MIGA1: variants seen among roughly 807,000 people sequenced by gnomAD.
The protein encoded by MIGA1 is mitoguardin 1.
MIGA1 carries 58 observed loss-of-function variants against 82.0 expected under a neutral mutation model. That is an observed-to-expected ratio of 0.71 (90% CI 0.57 to 0.88). MIGA1 has a LOEUF of 0.88. Among genes scored for constraint, MIGA1 ranks in the 40% least tolerant of loss-of-function variants. The pLI, the probability that MIGA1 is intolerant of heterozygous loss-of-function variation, is 0.00. For synonymous variants in MIGA1, 249 were observed against 253.6 expected (o/e 0.98, Z 0.17); for missense variants, 751 against 749.1 (o/e 1.00, Z -0.03).
intron 8 of MIGA1, among the ~76,000 whole-genome samples, chr1:77,850,485 T>C (rs535428038): frequency 4.1e-4 from 62 of 152,258 alleles, no homozygotes; most frequent in African/African-American, 1.4e-3. Flanking sequence ...TAATTTTAGG[T>C]GATTGATTTG....
chr1:77,878,385 ACT>A lies in MIGA1; in HGVS notation c.*3324_*3325del. The A allele has an allele frequency of 2.4e-5, 2 of 83,532 alleles. No homozygotes were observed. Among genetic ancestry groups the A allele is most frequent in the South Asian group, 9.2e-4 (2 of 2,176 alleles). 5.2% of individuals were successfully genotyped at this position (83,532 alleles called of 1,614,324 possible). ...CTCCAGCCTGGGCAACAAGAGTAAA[ACT>A]CTGTCTCAAAAAAAAAAAAAAAAAA... On this transcript the variant is annotated 3_prime_UTR_variant, in exon 16 of 16. Coordinates refer to ENST00000370791, the MANE Select transcript of MIGA1 (RefSeq NM_198549.4).
rs1042679328 is a variant in MIGA1 at position 77,796,616 on chromosome 1, C to T, written c.196-4715C>T. ...GTACTCCTTTGAGAAACAAATTTAC[C>T]AACAGGTTACAGTATTTATGTCTAA... On this transcript the variant is annotated intron_variant, in intron 2 of 15. Coordinates refer to ENST00000370791, the MANE Select transcript of MIGA1 (RefSeq NM_198549.4). Among the ~76,000 whole-genome samples the T allele has an allele frequency of 2.0e-5, 3 of 152,126 alleles. No homozygotes were observed. In the East Asian group the frequency reaches 5.8e-4, roughly 29 times the overall value.
In MIGA1 at chr1:77,878,086, G is replaced by A. The variant is rs1646907552; in HGVS notation, c.*3022G>A. 6.6e-6 allele frequency: 1 copy of A among 152,134 alleles called. No individual in the cohort carries two copies. The highest frequency in any genetic ancestry group is 6.5e-5 in the Admixed American group (1 of 15,274). The allele number at this position is 152,134 out of a possible 1,614,324, so 9.4% of individuals were successfully genotyped here. A position where few individuals can be genotyped will look rare whatever the true frequency, so the allele number is the denominator to read the frequency against. ...AAAAGAACATTTCTGACTGCATGCAGAAGGGTACTTAAGACATATATAACA... is the reference window on the plus strand; with the variant it reads ...AAAAGAACATTTCTGACTGCATGCAAAAGGGTACTTAAGACATATATAACA... On this transcript the variant is annotated 3_prime_UTR_variant, in exon 16 of 16. Transcript: ENST00000370791.
chr1:77,849,086 T>G (rs1215397225), intron 8 of MIGA1, among the ~76,000 whole-genome samples: 3 of 152,188 alleles, frequency 2.0e-5, no homozygotes, highest in Non-Finnish European at 2.9e-5. Flanking sequence ...TGAGGAAAAT[T>G]GGCTCCACTA....
At chr1:77,871,644 G>A (rs1294000952) in intron 14 of MIGA1, among the ~76,000 whole-genome samples, 2 of 152,134 alleles carry the variant, frequency 1.3e-5, no homozygotes, top group Admixed American at 6.5e-5. Context: ...CCCACAGTGT[G>A]TTATTTAACA....
Position 77,806,981 on chromosome 1 carries a change from A to G in MIGA1, c.517A>G (p.Ser173Gly). 6.2e-7 allele frequency: 1 copy of G among 1,610,282 alleles called. No homozygotes were observed. Among genetic ancestry groups the G allele is most frequent in the South Asian group, 1.1e-5 (1 of 90,450 alleles). Reference sequence around the variant, plus strand: ...CTATCCATCTTAATTTTAGGTCCAGAGTGTCAATTCTTGTCATAGCTGCGC... The same window carrying G: ...CTATCCATCTTAATTTTAGGTCCAGGGTGTCAATTCTTGTCATAGCTGCGC... The change falls in exon 5 of 16, where the codon AGT becomes GGT. Residue 173 changes from serine to glycine, a missense_variant. By Grantham distance (56) the Ser-to-Gly change is moderately conservative (BLOSUM62 0). Transcript: ENST00000370791.
chr1:77,836,890 G>A (rs1319939862), intron 7 of MIGA1, among the ~76,000 whole-genome samples: 1 of 152,064 alleles, frequency 6.6e-6, no homozygotes, highest in African/African-American at 2.4e-5. Context: ...CAATAGAGGA[G>A]CCATTTGATT....
At chr1:77,838,383 T>G (rs934427515) in intron 7 of MIGA1, among the ~76,000 whole-genome samples, 1 of 151,988 alleles carries the variant, frequency 6.6e-6, no homozygotes, top group African/African-American at 2.4e-5. Flanking sequence ...AGAGTCTCAC[T>G]CTGTCACCCA....
intron 7 of MIGA1, among the ~76,000 whole-genome samples, chr1:77,836,334 C>T (rs1684422411): frequency 6.6e-6 from 1 of 152,060 alleles, no homozygotes; most frequent in Non-Finnish European, 1.5e-5. Context: ...CTCTAGAACC[C>T]ATGGTTTTAA....
chr1:77,857,664 C>T (rs1205625539), intron 8 of MIGA1, among the ~76,000 whole-genome samples: 7 of 150,480 alleles, frequency 4.7e-5, no homozygotes, highest in Admixed American at 2.6e-4. Context: ...GGTGACAGAG[C>T]GAGATCCTGT....
chr1:77,868,590 G>GA (rs1685766636), intron 14 of MIGA1: 1 of 152,088 alleles, frequency 6.6e-6, no homozygotes. Context: ...TCCTATACCT[G>GA]AAATGCCAAA....
chr1:77,806,608 C>T (rs1052634490), intron 4 of MIGA1, among the ~76,000 whole-genome samples: 1 of 152,142 alleles, frequency 6.6e-6, no homozygotes, highest in Non-Finnish European at 1.5e-5. Flanking sequence ...AGCAGAGAGT[C>T]AGCATTGTAA....
intron 2 of MIGA1, among the ~76,000 whole-genome samples, chr1:77,794,760 C>T (rs1283058131): frequency 6.6e-6 from 1 of 152,154 alleles, no homozygotes; most frequent in Non-Finnish European, 1.5e-5. Flanking sequence ...TGTGATTGCA[C>T]ACTGCACGCT....
rs112476353 is a variant in MIGA1, at chr1:77,872,890, A to G, written c.1564-114A>G. 1.2e-5 allele frequency: 17 copies of G among 1,410,044 alleles called. No homozygotes were observed. The African/African-American group carries it at 1.3e-4, about 11-fold the overall frequency. 87.3% of individuals were successfully genotyped at this position (1,410,044 alleles called of 1,614,324 possible). A position where few individuals can be genotyped will look rare whatever the true frequency, so the allele number is the denominator to read the frequency against. On this transcript the variant is annotated intron_variant, in intron 14 of 15. Coordinates refer to ENST00000370791, the MANE Select transcript of MIGA1 (RefSeq NM_198549.4). ...TGCTAGACTCTGGTTCTAAAAAACA[A>G]ATTTTCTTAAACTCCCACTGGTCAT...
At position 77,810,725 on chromosome 1, in the gene MIGA1, A is replaced by G. The variant is rs540813440; in HGVS notation, c.638-3009A>G. 4.9e-4 allele frequency: 512 copies of G among 1,035,372 alleles called. 7 individuals carry two copies. In the South Asian group the frequency reaches 7.4e-3, roughly 15 times the overall value. 64.1% of individuals were successfully genotyped at this position (1,035,372 alleles called of 1,614,324 possible). On this transcript the variant is annotated intron_variant, in intron 5 of 15. Coordinates refer to ENST00000370791, the MANE Select transcript of MIGA1 (RefSeq NM_198549.4). ...TCTGAATTCTGTGGTACAGCTTTGC[A>G]TTGGACTCCGTCCGGCCTACTGGTC...
In MIGA1 at chr1:77,813,738, G is replaced by A. The variant is rs1174988634; in HGVS notation, c.642G>A (p.Met214Ile). ...TGTTCTGTTCTTAATTTTTAGGTATGGAATTGTTTGAAGAGGCATTGCGTC... is the reference window on the plus strand; with the variant it reads ...TGTTCTGTTCTTAATTTTTAGGTATAGAATTGTTTGAAGAGGCATTGCGTC... Residue 214 changes from methionine to isoleucine, a missense_variant, in exon 6 of 16, where the codon ATG becomes ATA. Physicochemically the swap from Met to Ile is conservative, Grantham distance 10. Coordinates refer to ENST00000370791, the MANE Select transcript of MIGA1 (RefSeq NM_198549.4). 3.7e-6 allele frequency: 6 copies of A among 1,613,648 alleles called. No individual in the cohort carries two copies. Among genetic ancestry groups the A allele is most frequent in the Non-Finnish European group, 5.1e-6 (6 of 1,179,896 alleles).
Position 77,876,906 on chromosome 1 carries a change from A to C in MIGA1, c.*1842A>C, listed in dbSNP as rs1311725880. 6.6e-6 allele frequency: 1 copy of C among 152,202 alleles called. No homozygotes were observed. Among genetic ancestry groups the C allele is most frequent in the Non-Finnish European group, 1.5e-5 (1 of 68,044 alleles). The allele number at this position is 152,202 out of a possible 1,614,324, so 9.4% of individuals were successfully genotyped here. ...AATAATATACCACTTATTTGGAGTG[A>C]CTAACTCAGTATGTAAGTAGATGAG... On this transcript the variant is annotated 3_prime_UTR_variant, in exon 16 of 16. Transcript: ENST00000370791.
intron 7 of MIGA1, among the ~76,000 whole-genome samples, chr1:77,839,434 G>C (rs562151844): frequency 1.3e-5 from 2 of 151,534 alleles, no homozygotes; most frequent in East Asian, 1.9e-4. Flanking sequence ...GTAGTGACAC[G>C]ATCATGGCTC....
At chr1:77,856,191 A>T (rs946889572) in intron 8 of MIGA1, among the ~76,000 whole-genome samples, 7 of 152,186 alleles carry the variant, frequency 4.6e-5, no homozygotes, top group African/African-American at 1.7e-4. Context: ...GTGGTGTGTC[A>T]CATTCATTGA....
Sources: gnomAD v4.1 joint callset for allele counts (sites outside exome capture counted in the v4.1 genomes callset) on GRCh38, gnomAD v4.1.1 for gene constraint, MANE v1.5 for transcripts, NCBI Gene and HGNC (gene_info 2026-07-23, HGNC 2026-07-21) for gene names.